The following TTC39B variants were observed in gnomAD, a reference collection of about 807,000 sequenced individuals.
TTC39B encodes tetratricopeptide repeat domain 39B.
Under a neutral mutation model 96.6 loss-of-function variants are expected in TTC39B, and 92 were observed. The ratio of observed to expected loss-of-function variants is 0.95; its 90% confidence interval spans 0.80 to 1.13. The LOEUF (loss-of-function observed/expected upper bound fraction) is 1.13. TTC39B is among the 50% of genes most tolerant of loss of function. The pLI is 0.00. For missense variants in TTC39B, 955 were observed against 809.3 expected, an observed-to-expected ratio of 1.18 and a Z score of -2.18; for synonymous variants, 367 against 299.4, an observed-to-expected ratio of 1.23 and a Z score of -2.33.
chr9:15,268,215 G>A (rs1161094429), intron 1 of TTC39B, among the ~76,000 whole-genome samples: 2 of 152,050 alleles, frequency 1.3e-5, no homozygotes, highest in African/African-American at 4.8e-5. Flanking sequence ...AAGAGACTAT[G>A]ACGTCTTTTA....
At chr9:15,229,856 T>C (rs941671313) in intron 2 of TTC39B, among the ~76,000 whole-genome samples, 1 of 152,214 alleles carries the variant, frequency 6.6e-6, no homozygotes, top group South Asian at 2.1e-4. Context: ...GGGGTTGTTA[T>C]TATTACACCT....
chr9:15,193,637 G>C (rs1039795843), intron 8 of TTC39B, among the ~76,000 whole-genome samples: 1 of 152,114 alleles, frequency 6.6e-6, no homozygotes, highest in African/African-American at 2.4e-5. Context: ...TTATTATGGT[G>C]CATTTTGCCA....
intron 1 of TTC39B, among the ~76,000 whole-genome samples, chr9:15,273,879 C>G (rs1450715768): frequency 2.6e-5 from 4 of 152,184 alleles, no homozygotes; most frequent in Admixed American, 2.6e-4. Flanking sequence ...CAACTTCCCC[C>G]CAGGACTGAG....
chr9:15,204,629 A>C (rs142898241), intron 6 of TTC39B, among the ~76,000 whole-genome samples: 2 of 152,244 alleles, frequency 1.3e-5, no homozygotes, highest in Non-Finnish European at 2.9e-5. Flanking sequence ...AGGTATGGTA[A>C]CCATGACACT....
intron 1 of TTC39B, among the ~76,000 whole-genome samples, chr9:15,300,018 T>C (rs1170795659): frequency 6.6e-6 from 1 of 152,216 alleles, no homozygotes; most frequent in African/African-American, 2.4e-5. Context: ...TTCAGGAGAA[T>C]GTCTGTTTGT....
chr9:15,279,991 G>T (rs979966586), intron 1 of TTC39B, among the ~76,000 whole-genome samples: 1 of 149,722 alleles, frequency 6.7e-6, no homozygotes. Flanking sequence ...CACCCCCCGG[G>T]TTCAAGCGAT....
chr9:15,221,187 T>C (rs1366777604), intron 3 of TTC39B, among the ~76,000 whole-genome samples: 1 of 152,102 alleles, frequency 6.6e-6, no homozygotes, highest in Non-Finnish European at 1.5e-5. Context: ...GTCCACTGAG[T>C]GTTCTTGTCT....
intron 8 of TTC39B, 62 bp downstream of exon 8, chr9:15,199,799 G>T: frequency 2.0e-6 from 1 of 488,558 alleles, no homozygotes; most frequent in Non-Finnish European, 3.6e-6. Context: ...GGAGAACTGT[G>T]AAGAACAAAG....
At chr9:15,249,816 TA>T in intron 2 of TTC39B, 1 of 983,158 alleles carries the variant, frequency 1.0e-6, no homozygotes, top group Non-Finnish European at 1.3e-6. Flanking sequence ...AACTGGAGTT[TA>T]AAAAATTTAC....
At chr9:15,288,822 C>T (rs935796703) in intron 1 of TTC39B, among the ~76,000 whole-genome samples, 4 of 152,256 alleles carry the variant, frequency 2.6e-5, no homozygotes, top group Non-Finnish European at 5.9e-5. Flanking sequence ...CTTGCCCCAG[C>T]TTCTGCACCT....
At chr9:15,222,380 T>G (rs893455381) in intron 3 of TTC39B, among the ~76,000 whole-genome samples, 29 of 152,186 alleles carry the variant, frequency 1.9e-4, no homozygotes, top group Non-Finnish European at 4.0e-4. Context: ...ACCACACAGG[T>G]GTGGTTCATC....
exon 20 of TTC39B, chr9:15,169,814 T>G (rs1404713807): frequency 2.6e-5 from 4 of 152,204 alleles, no homozygotes; most frequent in Non-Finnish European, 5.9e-5. Flanking sequence ...TTCTTTTATA[T>G]TTGTTTAGTA....
chr9:15,293,175 A>G (rs1363514021), intron 1 of TTC39B, among the ~76,000 whole-genome samples: 3 of 152,190 alleles, frequency 2.0e-5, no homozygotes, highest in Admixed American at 6.5e-5. Context: ...TACAGTATTC[A>G]GTACAGTAAC....
chr9:15,216,258 T>C (rs145432349), intron 3 of TTC39B, among the ~76,000 whole-genome samples: 55 of 152,348 alleles, frequency 3.6e-4, no homozygotes, highest in African/African-American at 1.3e-3. Flanking sequence ...GTCATTCCTG[T>C]GCACCAGTGC....
At chr9:15,300,891 CAAAAAAAAAAAAAAAAA>C (rs71491658) in intron 1 of TTC39B, among the ~76,000 whole-genome samples, 18,658 of 81,764 alleles carry the variant, frequency 0.23, 2,104 homozygotes, top group African/African-American at 0.42. Flanking sequence ...AACTCCGTCT[CAAAAAAAAAAAAAAAAA>C]AAAAAAAAAA....
At chr9:15,244,339 C>T (rs1048488950) in intron 2 of TTC39B, among the ~76,000 whole-genome samples, 21 of 152,258 alleles carry the variant, frequency 1.4e-4, no homozygotes, top group Non-Finnish European at 2.1e-4. Context: ...GGACACATAG[C>T]AGACCACTGT....
chr9:15,183,239 T>C (rs1033754653), intron 16 of TTC39B: 5 of 330,914 alleles, frequency 1.5e-5, no homozygotes, highest in Non-Finnish European at 2.9e-5. Flanking sequence ...GGTATCTTTA[T>C]CTTATGGCAC....
At chr9:15,185,317 G>A in exon 16 of TTC39B, 2 of 1,613,746 alleles carry the variant, frequency 1.2e-6, no homozygotes, top group Non-Finnish European at 1.7e-6. Flanking sequence ...TGCAGGTAAG[G>A]AGGCGGAGTA....
chr9:15,206,811 G>T (rs540571981), intron 6 of TTC39B, among the ~76,000 whole-genome samples: 1 of 152,262 alleles, frequency 6.6e-6, no homozygotes. Flanking sequence ...ACAGGGGCAT[G>T]ATCTGCACTC....
Sources: gnomAD v4.1 joint callset for allele counts (sites outside exome capture counted in the v4.1 genomes callset) on GRCh38, gnomAD v4.1.1 for gene constraint, MANE v1.5 for transcripts, NCBI Gene and HGNC (gene_info 2026-07-23, HGNC 2026-07-21) for gene names.